Variants in KARS1 observed in about 807,000 individuals in gnomAD.
The protein encoded by KARS1 is lysyl-tRNA synthetase 1.
A neutral mutation model predicts 63.9 loss-of-function variants in KARS1; 50 were observed. The ratio of observed to expected loss-of-function variants is 0.78; its 90% CI spans 0.62 to 0.99. KARS1 has a LOEUF of 0.99. Ranked by LOEUF, KARS1 falls within the 50% of genes least tolerant of loss-of-function variation. The probability of loss-of-function intolerance (pLI) is 0.00; values close to 1 mark genes in which losing one functional copy is unlikely to be tolerated. For missense variants in KARS1, 816 were observed against 754.5 expected (o/e 1.08, Z -0.95); for synonymous variants, 320 against 264.6 (o/e 1.21, Z -2.03).
intron 1 of KARS1, chr16:75,642,902 G>A (rs1284630802): frequency 1.3e-5 from 2 of 152,176 alleles, no homozygotes; most frequent in East Asian, 1.9e-4. Context: ...GATAATGTTT[G>A]TATAAAGGGA....
At chr16:75,634,639 G>T (rs1402008077) in intron 6 of KARS1, among the ~76,000 whole-genome samples, 1 of 152,268 alleles carries the variant, frequency 6.6e-6, no homozygotes, top group Non-Finnish European at 1.5e-5. Flanking sequence ...GCAGCAGCGC[G>T]ATCTCGGCTC....
At chr16:75,642,288 G>A (rs1023187890) in intron 1 of KARS1, among the ~76,000 whole-genome samples, 1 of 139,322 alleles carries the variant, frequency 7.2e-6, no homozygotes, top group Admixed American at 8.5e-5. Flanking sequence ...TGCAATCTCT[G>A]CCTCCCGGGT....
At chr16:75,632,282 C>A (rs1165327139) in intron 7 of KARS1, among the ~76,000 whole-genome samples, 2 of 152,206 alleles carry the variant, frequency 1.3e-5, no homozygotes, top group African/African-American at 4.8e-5. Context: ...ACTCTCAGGT[C>A]TCTGGTCAAA....
intron 6 of KARS1, chr16:75,635,215 A>G (rs2082149754): frequency 4.8e-6 from 1 of 208,454 alleles, no homozygotes; most frequent in South Asian, 7.7e-5. Context: ...CATCTGCAAC[A>G]TGCATATGTA....
At chr16:75,636,164 T>C in intron 4 of KARS1, 66 bp from the exon 5 acceptor site, 1 of 1,010,584 alleles carries the variant, frequency 9.9e-7, no homozygotes, top group Non-Finnish European at 1.5e-6. Flanking sequence ...TGGTCTCCTC[T>C]GGAACCCTCA....
At chr16:75,632,952 T>C (rs1440675630) in intron 7 of KARS1, among the ~76,000 whole-genome samples, 3 of 152,062 alleles carry the variant, frequency 2.0e-5, no homozygotes, top group East Asian at 1.9e-4. Flanking sequence ...CTACGGAAAA[T>C]AGAGGCTTCC....
intron 1 of KARS1, among the ~76,000 whole-genome samples, chr16:75,645,955 C>A (rs1207291792): frequency 6.6e-6 from 1 of 151,772 alleles, no homozygotes; most frequent in Non-Finnish European, 1.5e-5. Context: ...GATATACAGT[C>A]CTAAAGTTCA....
rs2082224122 is a variant in KARS1, at chr16:75,641,571, T to C, written c.215A>G (p.Asp72Gly). The change falls in exon 2 of 14, where the codon GAC (aspartate) becomes GGC (glycine). Residue 72 changes from aspartate (D) to glycine (G), a missense_variant. Transcript: ENST00000302445. ...GTGGCCCAGGGAACTCACATTTGGG[T>C]CCACGCTCTCTTCCTCAGGACCCAC... ...NGVGPEEESVDPNQYYKIRSQ... is the reference protein window; with the variant it reads ...NGVGPEEESVGPNQYYKIRSQ... The C allele has an allele frequency of 6.2e-7, 1 of 1,613,526 alleles. No homozygotes were observed.
intron 3 of KARS1, among the ~76,000 whole-genome samples, chr16:75,638,304 G>A (rs1256797696): frequency 6.6e-6 from 1 of 151,998 alleles, no homozygotes; most frequent in South Asian, 2.1e-4. Flanking sequence ...TGCCATGGTG[G>A]TTTGCTGTAC....
chr16:75,645,714 G>A (rs577724577), intron 1 of KARS1, among the ~76,000 whole-genome samples: 2 of 152,096 alleles, frequency 1.3e-5, no homozygotes, highest in African/African-American at 4.8e-5. Flanking sequence ...GGGTGTTGTG[G>A]CATGCACCTG....
chr16:75,633,610 C>T (rs571311436), intron 7 of KARS1, among the ~76,000 whole-genome samples: 34 of 151,826 alleles, frequency 2.2e-4, no homozygotes, highest in Admixed American at 5.9e-4. Flanking sequence ...CTCCGCCTCC[C>T]GGGTTCAAGC....
chr16:75,647,595 C>A lies in KARS1; in HGVS notation c.45G>T (p.Glu15Asp). 7.4e-6 allele frequency: 12 copies of A among 1,613,394 alleles called. No homozygotes were observed. Among genetic ancestry groups the A allele is most frequent in the African/African-American group, 1.3e-5 (1 of 75,062 alleles). Reference protein sequence around the residue: ...QAAEVKVDGSEPKLSKNELKR... With the variant: ...QAAEVKVDGSDPKLSKNELKR... ...ACACTCACTTCTTGCTCAGTTTCGGCTCGCTGCCATCCACTTTCACCTCGG... is the reference window on the plus strand; with the variant it reads ...ACACTCACTTCTTGCTCAGTTTCGGATCGCTGCCATCCACTTTCACCTCGG... Residue 15 changes from glutamate (E) to aspartate (D), a missense_variant, in exon 1 of 14, where the codon GAG becomes GAT. Glu to Asp is a conservative substitution (Grantham distance 45). Coordinates refer to ENST00000302445, the MANE Select transcript of KARS1 (RefSeq NM_005548.3).
chr16:75,636,371 A>G, intron 4 of KARS1, 83 bp downstream of exon 4: 1 of 962,954 alleles, frequency 1.0e-6, no homozygotes, highest in Non-Finnish European at 1.7e-6. Context: ...TCTAACTTCA[A>G]ATACCAGTAA....
In KARS1 at chr16:75,631,580, T is replaced by C; in HGVS notation, c.1088A>G (p.Lys363Arg). Residue 363 changes from lysine (K) to arginine (R), a missense_variant, in exon 9 of 14, where the codon AAG (lysine) becomes AGG (arginine). By Grantham distance (26) the Lys-to-Arg change is conservative. Transcript: ENST00000302445. ...ITEKMVSGMVKHITGSYKVTY... is the reference protein window; with the variant it reads ...ITEKMVSGMVRHITGSYKVTY... ...GACCTTGTAACTGCCTGTAATATGC[T>C]TCACCATCCCTGGGAGAGAAACCTG... is the stretch of plus-strand genomic sequence containing the variant. 5 of 1,614,194 alleles carry C rather than the reference T, an allele frequency of 3.1e-6. No homozygotes were observed. The highest frequency in any genetic ancestry group is 4.2e-6 in the Non-Finnish European group (5 of 1,180,022).
At chr16:75,628,117 GA>G in intron 13 of KARS1, 124 bp from the exon 14 acceptor site, 1 of 733,080 alleles carries the variant, frequency 1.4e-6, no homozygotes. Flanking sequence ...TATTCCAGCT[GA>G]AAAGGCTCAT....
Position 75,634,298 on chromosome 16 carries a change from A to T in KARS1, c.796-6T>A. On this transcript the variant is annotated splice_polypyrimidine_tract_variant and splice_region_variant and intron_variant, in intron 6 of 13. Transcript: ENST00000302445. Reference sequence around the variant, plus strand: ...TTCATCATGGGAGTTTCAATCTAAAAAAGGCAGGGAGAAACATCAGTCCTT... The same window carrying T: ...TTCATCATGGGAGTTTCAATCTAAATAAGGCAGGGAGAAACATCAGTCCTT... The T allele has an allele frequency of 1.9e-6, 3 of 1,613,886 alleles. 1 individual carries two copies. The highest frequency in any genetic ancestry group is 2.2e-5 in the South Asian group (2 of 91,076).
intron 1 of KARS1, among the ~76,000 whole-genome samples, chr16:75,644,737 A>G (rs1051008226): frequency 3.3e-5 from 5 of 152,204 alleles, no homozygotes; most frequent in African/African-American, 1.2e-4. Context: ...ATTGCTCACA[A>G]CATCCTAGAA....
In KARS1 at chr16:75,647,622, C is replaced by T. The variant is rs781409597; in HGVS notation, c.18G>A (p.Ala6=). The T allele has an allele frequency of 1.1e-4, 174 of 1,613,764 alleles. No homozygotes were observed. The highest frequency in any genetic ancestry group is 2.5e-4 in the African/African-American group (19 of 75,056). Residue 6 remains alanine (A), a synonymous_variant, in exon 1 of 14, where the codon GCG becomes GCA. Transcript: ENST00000302445. ...CGCTGCCATCCACTTTCACCTCGGC[C>T]GCCTGCACGGCCGCCATCTTCCCGG... MAAVQ[A]AEVKVDGSEP... is the part of the protein sequence containing the mutation.
intron 9 of KARS1, 58 bp from the exon 10 acceptor site, chr16:75,631,311 T>C (rs753257579): frequency 2.5e-5 from 39 of 1,583,708 alleles, no homozygotes; most frequent in Non-Finnish European, 2.7e-5. Flanking sequence ...AGTAAAAATG[T>C]ACATAAAGAG....
Sources: gnomAD v4.1 joint callset for allele counts (sites outside exome capture counted in the v4.1 genomes callset) on GRCh38, gnomAD v4.1.1 for gene constraint, MANE v1.5 for transcripts, NCBI Gene and HGNC (gene_info 2026-07-23, HGNC 2026-07-21) for gene names.